The following USP47 variants were observed in gnomAD, a reference collection of about 807,000 sequenced individuals.
The protein encoded by USP47 is ubiquitin carboxyl-terminal hydrolase 47.
A neutral mutation model predicts 165.1 loss-of-function variants in USP47; 35 were observed. The ratio of observed to expected loss-of-function variants is 0.21; its 90% CI spans 0.16 to 0.28. The LOEUF (loss-of-function observed/expected upper bound fraction) is 0.28, where lower values mean the gene tolerates loss of function less well. Among genes scored for constraint, USP47 ranks in the 10% least tolerant of loss-of-function variants. The pLI is 1.00. For missense variants in USP47, 1,277 were observed against 1,607.4 expected, an observed-to-expected ratio of 0.79 and a Z score of 3.52; for synonymous variants, 531 against 544.5, an observed-to-expected ratio of 0.98 and a Z score of 0.35.
chr11:11,878,444 C>G (rs1381235428), intron 1 of USP47, among the ~76,000 whole-genome samples: 1 of 152,064 alleles, frequency 6.6e-6, no homozygotes, highest in Admixed American at 6.6e-5. Flanking sequence ...GTCATTTACT[C>G]TTTCATCATA....
At chr11:11,875,082 T>TGTGTGTG (rs1590274637) in intron 1 of USP47, among the ~76,000 whole-genome samples, 4 of 145,906 alleles carry the variant, frequency 2.7e-5, no homozygotes, top group African/African-American at 5.1e-5. Context: ...TGTGTGTGTG[T>TGTGTGTG]TTAAAAGCTT....
At position 11,938,282 on chromosome 11, in the gene USP47, T is replaced by C; in HGVS notation, c.2103T>C (p.Val701=). The part of the protein sequence containing the change: ...PGEVMVKVHV[V]DLKAESVAAP... Reference sequence around the variant, plus strand: ...AAGTGATGGTGAAAGTTCATGTTGTTGATCTAAAGGCAGAATCTGTAGCTG... The same window carrying C: ...AAGTGATGGTGAAAGTTCATGTTGTCGATCTAAAGGCAGAATCTGTAGCTG... The change falls in exon 18 of 28, where the codon GTT becomes GTC. Residue 701 remains valine, a synonymous_variant. Coordinates refer to ENST00000527733, the MANE Select transcript of USP47 (RefSeq NM_001282659.2). The C allele has an allele frequency of 6.2e-7, 1 of 1,612,180 alleles. No homozygotes were observed. The highest frequency in any genetic ancestry group is 8.5e-7 in the Non-Finnish European group (1 of 1,178,766).
chr11:11,929,619 T>G (rs1854504699), intron 12 of USP47, 54 bp downstream of exon 12: 5 of 1,589,760 alleles, frequency 3.1e-6, no homozygotes, highest in Non-Finnish European at 4.3e-6. Flanking sequence ...TAAGGATGTT[T>G]CTAAACAACA....
intron 25 of USP47, among the ~76,000 whole-genome samples, chr11:11,953,769 T>C (rs1410400549): frequency 6.6e-6 from 1 of 152,216 alleles, no homozygotes; most frequent in Non-Finnish European, 1.5e-5. Flanking sequence ...AATAACGTTA[T>C]TTTTCACTCT....
intron 1 of USP47, among the ~76,000 whole-genome samples, chr11:11,873,107 A>G (rs1590269126): frequency 1.3e-5 from 2 of 152,316 alleles, no homozygotes. Flanking sequence ...GTTGCTTTTC[A>G]GAAAACTGTA....
At chr11:11,948,143 T>C (rs775128015) in intron 21 of USP47, 23 bp downstream of exon 21, 1 of 1,592,016 alleles carries the variant, frequency 6.3e-7, no homozygotes, top group South Asian at 1.1e-5. Context: ...AATCTTCGAG[T>C]AGTTAGAGTC....
rs1467179581 is a variant in USP47 at position 11,949,952 on chromosome 11, G to A, written c.3412G>A (p.Glu1138Lys). Residue 1138 changes from glutamate (E) to lysine (K), a missense_variant, in exon 23 of 28, where the codon GAA becomes AAA. Physicochemically the swap from Glu to Lys is moderately conservative, Grantham distance 56. Transcript: ENST00000527733. The stretch of plus-strand genomic sequence containing the variant: ...AATGACTGTACGGCAATCAAAAGAG[G>A]AATTAATTCCTCAGCTCAGGGAGCA... ...KGMTVRQSKE[E>K]LIPQLREQCG... 1 of 1,612,952 alleles carries A rather than the reference G, an allele frequency of 6.2e-7. No individual in the cohort carries two copies. The highest frequency in any genetic ancestry group is 1.3e-5 in the African/African-American group (1 of 74,948).
chr11:11,858,945 G>A (rs1849220226), intron 1 of USP47, among the ~76,000 whole-genome samples: 2 of 152,158 alleles, frequency 1.3e-5, no homozygotes, highest in Non-Finnish European at 2.9e-5. Context: ...TTTCTGAAAT[G>A]GCTGTACCGT....
At chr11:11,935,888 A>G (rs919034742) in intron 16 of USP47, among the ~76,000 whole-genome samples, 6 of 151,914 alleles carry the variant, frequency 3.9e-5, no homozygotes, top group African/African-American at 1.4e-4. Flanking sequence ...AGTTACATGA[A>G]TTATCAATTC....
At chr11:11,922,411 G>T (rs1853902452) in intron 10 of USP47, among the ~76,000 whole-genome samples, 1 of 151,836 alleles carries the variant, frequency 6.6e-6, no homozygotes, top group Admixed American at 6.6e-5. Context: ...TGTGGATTTT[G>T]CTAAAAGAAA....
At chr11:11,913,412 C>T (rs1853165099) in intron 8 of USP47, among the ~76,000 whole-genome samples, 1 of 151,312 alleles carries the variant, frequency 6.6e-6, no homozygotes, top group African/African-American at 2.4e-5. Flanking sequence ...TATAATTTTG[C>T]AAAAAGAAAA....
In USP47 at chr11:11,871,838, G is replaced by C. The variant is rs534618432; in HGVS notation, c.40-8339G>C. 1.1e-4 allele frequency among the ~76,000 whole-genome samples: 17 copies of C among 152,216 alleles called. No homozygotes were observed. The South Asian group carries it at 3.5e-3, about 31-fold the overall frequency. On this transcript the variant is annotated intron_variant, in intron 1 of 27. Transcript: ENST00000527733. ...TCCCTCCCTGCACTGCAGCCTAGAA[G>C]GTGGCTTACCTTTTTTGTTTCTGCT... is the stretch of plus-strand genomic sequence containing the variant.
intron 1 of USP47, among the ~76,000 whole-genome samples, chr11:11,871,976 A>G (rs1473903458): frequency 1.3e-5 from 2 of 152,202 alleles, no homozygotes; most frequent in African/African-American, 4.8e-5. Context: ...AAGATGAGAG[A>G]AGGACTTGAT....
intron 11 of USP47, 28 bp downstream of exon 11, chr11:11,922,919 T>C (rs765079549): frequency 1.3e-6 from 2 of 1,598,890 alleles, no homozygotes; most frequent in Admixed American, 1.7e-5. Context: ...CATTTTTTAG[T>C]TGAAAGTGAG....
intron 7 of USP47, 79 bp from the exon 8 acceptor site, chr11:11,905,320 T>A: frequency 9.5e-7 from 1 of 1,054,040 alleles, no homozygotes; most frequent in Non-Finnish European, 1.3e-6. Flanking sequence ...TTGTAAACCA[T>A]TCTAAAAAGT....
At chr11:11,884,005 G>C (rs575091608) in intron 2 of USP47, among the ~76,000 whole-genome samples, 1 of 151,880 alleles carries the variant, frequency 6.6e-6, no homozygotes, top group Non-Finnish European at 1.5e-5. Context: ...TAATTATTTT[G>C]GTTGGGTTGC....
chr11:11,910,664 C>T (rs928842048), intron 8 of USP47, among the ~76,000 whole-genome samples: 3 of 152,056 alleles, frequency 2.0e-5, no homozygotes, highest in Admixed American at 6.6e-5. Context: ...CCTTTCCCTG[C>T]GCAGCACTAA....
At chr11:11,931,220 T>C (rs1854643619) in intron 14 of USP47, among the ~76,000 whole-genome samples, 1 of 152,170 alleles carries the variant, frequency 6.6e-6, no homozygotes, top group Non-Finnish European at 1.5e-5. Flanking sequence ...TCAGTATATT[T>C]CCTTTGTTTA....
intron 1 of USP47, among the ~76,000 whole-genome samples, chr11:11,858,188 A>G (rs779428141): frequency 5.3e-5 from 8 of 151,954 alleles, no homozygotes; most frequent in Admixed American, 6.6e-5. Context: ...CTTCTTTTGT[A>G]CATTTTGTCC....
Sources: allele counts gnomAD v4.1 joint callset (sites outside exome capture counted in the v4.1 genomes callset), GRCh38; gene constraint gnomAD v4.1.1; transcripts MANE v1.5; gene names NCBI Gene and HGNC (gene_info 2026-07-23, HGNC 2026-07-21).